Variants in HPSE2 observed in about 807,000 individuals in gnomAD.
HPSE2 encodes heparanase 2 (inactive), also known as inactive heparanase-2.
Under a neutral mutation model 60.5 loss-of-function variants are expected in HPSE2, and 38 were observed. The observed-to-expected ratio is 0.63, with a 90% CI of 0.48 to 0.82. The LOEUF (loss-of-function observed/expected upper bound fraction) is 0.82. Among genes scored for constraint, HPSE2 ranks in the 40% least tolerant of loss-of-function variants. HPSE2 has a pLI of 0.00. For missense variants in HPSE2, 713 were observed against 740.4 expected, an observed-to-expected ratio of 0.96 and a Z score of 0.43; for synonymous variants, 295 against 293.2, an observed-to-expected ratio of 1.01 and a Z score of -0.06.
intron 3 of HPSE2, among the ~76,000 whole-genome samples, chr10:98,799,548 G>A (rs974189867): frequency 6.6e-6 from 1 of 152,048 alleles, no homozygotes; most frequent in African/African-American, 2.4e-5. Context: ...CACAAAACAA[G>A]TCTTAAAATA....
chr10:98,755,021 G>A (rs1949846030), intron 3 of HPSE2, among the ~76,000 whole-genome samples: 1 of 151,928 alleles, frequency 6.6e-6, no homozygotes, highest in South Asian at 2.1e-4. Flanking sequence ...ATCTATACAT[G>A]TCAGTAGTAA....
At chr10:99,197,437 A>C (rs1415284703) in intron 2 of HPSE2, among the ~76,000 whole-genome samples, 3 of 152,240 alleles carry the variant, frequency 2.0e-5, no homozygotes, top group Non-Finnish European at 4.4e-5. Flanking sequence ...TTATGTGCTT[A>C]TTTCACATTG....
intron 6 of HPSE2, among the ~76,000 whole-genome samples, chr10:98,656,730 T>C (rs921062064): frequency 6.6e-6 from 1 of 151,618 alleles, no homozygotes; most frequent in African/African-American, 2.4e-5. Flanking sequence ...TTATACCCCA[T>C]CTCTCACAAG....
At chr10:98,749,947 T>TATATATATATATATACACAC in intron 3 of HPSE2, among the ~76,000 whole-genome samples, 54 of 98,458 alleles carry the variant, frequency 5.5e-4, no homozygotes, top group African/African-American at 1.5e-3. Context: ...TATATATATA[T>TATATATATATATATACACAC]ACACACACAC....
At chr10:98,802,373 G>C (rs1247867941) in intron 3 of HPSE2, among the ~76,000 whole-genome samples, 1 of 150,686 alleles carries the variant, frequency 6.6e-6, no homozygotes, top group Non-Finnish European at 1.5e-5. Flanking sequence ...ACAATGTGCA[G>C]GTTAGTTACA....
In HPSE2 at chr10:98,940,457, C is replaced by G. The variant is rs375690924; in HGVS notation, c.611-196401G>C. Among the ~76,000 whole-genome samples, 2 of 143,816 alleles carry G rather than the reference C, an allele frequency of 1.4e-5. 1 individual carries two copies. Among genetic ancestry groups the G allele is most frequent in the East Asian group, 3.9e-4 (2 of 5,086 alleles). The allele number at this position is 143,816 out of a possible 152,430, so 94.3% of individuals were successfully genotyped here. On this transcript the variant is annotated intron_variant, in intron 3 of 11. Coordinates refer to ENST00000370552, the MANE Select transcript of HPSE2 (RefSeq NM_021828.5). ...CCATCAGAGAATACTACAAACACCT[C>G]TACGCAAATAAACTAGAAAATCTAG...
intron 3 of HPSE2, among the ~76,000 whole-genome samples, chr10:98,792,592 T>C (rs1302423845): frequency 6.6e-6 from 1 of 151,836 alleles, no homozygotes; most frequent in Non-Finnish European, 1.5e-5. Context: ...TTGGCATTTT[T>C]GTACATTTAA....
At chr10:99,062,173 C>A (rs1435672013) in intron 3 of HPSE2, among the ~76,000 whole-genome samples, 1 of 152,182 alleles carries the variant, frequency 6.6e-6, no homozygotes, top group Admixed American at 6.5e-5. Flanking sequence ...TTAAACTATG[C>A]ATAGTGTTCT....
At chr10:98,656,876 C>T (rs899133426) in intron 6 of HPSE2, among the ~76,000 whole-genome samples, 13 of 151,950 alleles carry the variant, frequency 8.6e-5, no homozygotes, top group Admixed American at 2.0e-4. Flanking sequence ...ATTCTCCTGC[C>T]TCAGCCTCCT....
At chr10:98,646,317 TTTTTC>T (rs1276514358) in intron 6 of HPSE2, among the ~76,000 whole-genome samples, 4 of 61,216 alleles carry the variant, frequency 6.5e-5, no homozygotes, top group Non-Finnish European at 1.2e-4. Flanking sequence ...CTTTTTTTCT[TTTTTC>T]TTTTTTTTTT....
chr10:99,215,879 T>C (rs1310196361), intron 2 of HPSE2, among the ~76,000 whole-genome samples: 2 of 152,204 alleles, frequency 1.3e-5, no homozygotes, highest in Admixed American at 6.5e-5. Flanking sequence ...AAATTTTAAA[T>C]GGTATGTGCA....
At chr10:98,616,455 C>T (rs1406976998) in intron 8 of HPSE2, among the ~76,000 whole-genome samples, 1 of 152,130 alleles carries the variant, frequency 6.6e-6, no homozygotes, top group East Asian at 1.9e-4. Flanking sequence ...GAAAATTACG[C>T]ATAGTTATGA....
At chr10:99,040,523 CTTTTAACTTTACATATCA>C (rs1564758262) in intron 3 of HPSE2, among the ~76,000 whole-genome samples, 1 of 152,096 alleles carries the variant, frequency 6.6e-6, no homozygotes. Flanking sequence ...TGTTTTTCAT[CTTTTAACTTTACATATCA>C]TTTTAACTTT....
chr10:98,687,211 C>G (rs1446701746), intron 6 of HPSE2, among the ~76,000 whole-genome samples: 1 of 152,176 alleles, frequency 6.6e-6, no homozygotes, highest in Non-Finnish European at 1.5e-5. Context: ...ATGGGTCTCA[C>G]TGGCCTAAAA....
At chr10:99,283,129 T>C in the HPSE2 span, among the ~76,000 whole-genome samples, 1 of 148,026 alleles carries the variant, frequency 6.8e-6, no homozygotes, top group East Asian at 2.0e-4. Flanking sequence ...GAGCTTGCAG[T>C]GAGCCAAGAT....
intron 6 of HPSE2, among the ~76,000 whole-genome samples, chr10:98,663,962 CTA>C (rs1947291947): frequency 6.6e-6 from 1 of 152,114 alleles, no homozygotes; most frequent in Non-Finnish European, 1.5e-5. Context: ...AGGCTCAGCT[CTA>C]TGTTGGCTGG....
intron 4 of HPSE2, among the ~76,000 whole-genome samples, chr10:98,725,494 T>C (rs1448242758): frequency 6.6e-6 from 1 of 152,128 alleles, no homozygotes; most frequent in African/African-American, 2.4e-5. Flanking sequence ...TAATTCAAGA[T>C]GGATTAAAGA....
intron 9 of HPSE2, among the ~76,000 whole-genome samples, chr10:98,524,824 TTA>T (rs1942911300): frequency 6.6e-6 from 1 of 152,242 alleles, no homozygotes; most frequent in Admixed American, 6.5e-5. Flanking sequence ...ACAAATGCTC[TTA>T]TGTTATTAGC....
At chr10:98,750,061 G>T (rs898759488) in intron 3 of HPSE2, among the ~76,000 whole-genome samples, 1 of 151,578 alleles carries the variant, frequency 6.6e-6, no homozygotes, top group Non-Finnish European at 1.5e-5. Context: ...CAGGGTAGGA[G>T]ATAGTATAGA....
Sources: allele counts gnomAD v4.1 joint callset (sites outside exome capture counted in the v4.1 genomes callset), GRCh38; gene constraint gnomAD v4.1.1; transcripts MANE v1.5; gene names NCBI Gene and HGNC (gene_info 2026-07-23, HGNC 2026-07-21).